Variants in TMEM217 observed in about 807,000 individuals in gnomAD.
TMEM217 encodes the protein chromosome 6 open reading frame 128.
For synonymous variants in TMEM217, 76 were observed against 88.3 expected, an observed-to-expected ratio of 0.86 and a Z score of 0.78; for missense variants, 204 against 248.8, an observed-to-expected ratio of 0.82 and a Z score of 1.21.
intron 1 of TMEM217, among the ~76,000 whole-genome samples, chr6:37,233,155 C>T (rs1170067292): frequency 2.0e-5 from 3 of 152,200 alleles, no homozygotes; most frequent in East Asian, 3.9e-4. Flanking sequence ...ACTCCCACCC[C>T]CACCTACTGT....
chr6:37,251,418 T>C (rs1765393272), intron 1 of TMEM217, among the ~76,000 whole-genome samples: 1 of 139,980 alleles, frequency 7.1e-6, no homozygotes, highest in Non-Finnish European at 1.6e-5. Flanking sequence ...GTATAAAGAA[T>C]GTTGAATGAG....
chr6:37,240,177 C>T (rs547321056), intron 1 of TMEM217, among the ~76,000 whole-genome samples: 2 of 152,336 alleles, frequency 1.3e-5, no homozygotes, highest in Admixed American at 1.3e-4. Flanking sequence ...AAACCTTAGA[C>T]ACTTATGATA....
intron 1 of TMEM217, among the ~76,000 whole-genome samples, chr6:37,225,648 T>G (rs964684792): frequency 6.6e-6 from 1 of 152,242 alleles, no homozygotes; most frequent in Non-Finnish European, 1.5e-5. Context: ...ATTAAAATTT[T>G]GGGTTCCCAT....
intron 1 of TMEM217, among the ~76,000 whole-genome samples, chr6:37,227,869 A>G (rs769675877): frequency 2.0e-5 from 3 of 152,122 alleles, no homozygotes; most frequent in African/African-American, 7.2e-5. Context: ...TTTACTTTGT[A>G]TATATCTTGA....
intron 1 of TMEM217, among the ~76,000 whole-genome samples, chr6:37,256,923 T>A (rs1030253742): frequency 2.8e-4 from 42 of 152,208 alleles, no homozygotes; most frequent in African/African-American, 9.6e-4. Flanking sequence ...ATGCTAATAC[T>A]AAATCTCATT....
intron 1 of TMEM217, among the ~76,000 whole-genome samples, chr6:37,255,498 C>T (rs1002364557): frequency 2.6e-5 from 4 of 152,032 alleles, no homozygotes; most frequent in African/African-American, 9.7e-5. Flanking sequence ...GCCTGGGCAA[C>T]ATGGTGAAAC....
chr6:37,246,895 T>C (rs555181506), intron 1 of TMEM217, among the ~76,000 whole-genome samples: 12 of 91,638 alleles, frequency 1.3e-4, no homozygotes, highest in African/African-American at 1.9e-4. Context: ...AGAGCAAGAC[T>C]CTGTCTCAAA....
chr6:37,223,568 G>A (rs575814119), intron 1 of TMEM217, among the ~76,000 whole-genome samples: 1 of 152,162 alleles, frequency 6.6e-6, no homozygotes, highest in South Asian at 2.1e-4. Context: ...GAGTACAGTG[G>A]CGTGATCTCA....
At chr6:37,242,233 C>T (rs1187164074) in intron 1 of TMEM217, among the ~76,000 whole-genome samples, 2 of 152,158 alleles carry the variant, frequency 1.3e-5, no homozygotes, top group East Asian at 3.8e-4. Context: ...ACTCAGCTAA[C>T]CCATCAAACA....
downstream of TMEM217, among the ~76,000 whole-genome samples, chr6:37,214,250 C>G (rs1409509625): frequency 6.6e-6 from 1 of 152,144 alleles, no homozygotes; most frequent in Non-Finnish European, 1.5e-5. Context: ...TCTCTTTCGA[C>G]AGAGTCTTGC....
At chr6:37,213,833 C>T (rs1763038824), downstream of TMEM217, among the ~76,000 whole-genome samples, 1 of 152,252 alleles carries the variant, frequency 6.6e-6, no homozygotes, top group African/African-American at 2.4e-5. Flanking sequence ...ATTCAGAGGA[C>T]TCCTGAGCAA....
chr6:37,212,518 G>A (rs1392805549), exon 4 of TMEM217: 2 of 457,506 alleles, frequency 4.4e-6, no homozygotes, highest in African/African-American at 4.0e-5. Flanking sequence ...CACAGTCTGG[G>A]ATTCCTTGTA....
chr6:37,257,184 T>G (rs1765798903), intron 1 of TMEM217, among the ~76,000 whole-genome samples: 1 of 152,210 alleles, frequency 6.6e-6, no homozygotes, highest in Non-Finnish European at 1.5e-5. Context: ...ACATAGGGAT[T>G]AGATCATTTG....
At position 37,219,332 on chromosome 6, in the gene TMEM217, G is replaced by A. The variant is rs1763392652; in HGVS notation, c.-11-291C>T. 2.0e-5 allele frequency among the ~76,000 whole-genome samples: 3 copies of A among 152,166 alleles called. No individual in the cohort carries two copies. The South Asian group carries it at 6.2e-4, about 31-fold the overall frequency. ...GTACCCAAGTCCAGGCCCCACCACAGACCAATCACAACATTCTCTGGTTGG... is the reference window on the plus strand; with the variant it reads ...GTACCCAAGTCCAGGCCCCACCACAAACCAATCACAACATTCTCTGGTTGG... On this transcript the variant is annotated intron_variant, in intron 1 of 1. Coordinates refer to ENST00000357219, the Ensembl canonical transcript of TMEM217.
exon 2 of TMEM217, chr6:37,218,430 G>T (rs1562001026): frequency 6.2e-7 from 1 of 1,600,514 alleles, no homozygotes; most frequent in East Asian, 2.2e-5. Context: ...ACCTACCTCT[G>T]CCTCTCAAAG....
intron 1 of TMEM217, among the ~76,000 whole-genome samples, chr6:37,250,499 T>C (rs1765341487): frequency 6.6e-6 from 1 of 152,266 alleles, no homozygotes; most frequent in Non-Finnish European, 1.5e-5. Flanking sequence ...TGAGGATAAG[T>C]TGGAAAAGCC....
At chr6:37,255,055 C>A (rs913580843) in intron 1 of TMEM217, among the ~76,000 whole-genome samples, 2 of 152,108 alleles carry the variant, frequency 1.3e-5, no homozygotes, top group Non-Finnish European at 2.9e-5. Context: ...ATTGCATGCC[C>A]ACCCGCCACT....
At chr6:37,218,011 C>T (rs1217069867) in exon 2 of TMEM217, 1 of 991,230 alleles carries the variant, frequency 1.0e-6, no homozygotes, top group African/African-American at 1.7e-5. Flanking sequence ...TTCATGTTCT[C>T]CTGAAAGAGT....
At chr6:37,223,522 T>G (rs1301440755) in intron 1 of TMEM217, among the ~76,000 whole-genome samples, 1 of 152,246 alleles carries the variant, frequency 6.6e-6, no homozygotes, top group African/African-American at 2.4e-5. Context: ...TATTTTTCTT[T>G]TTTTGAGACA....
Sources: gnomAD v4.1 joint callset for allele counts (sites outside exome capture counted in the v4.1 genomes callset) on GRCh38, gnomAD v4.1.1 for gene constraint, MANE v1.5 for transcripts, NCBI Gene and HGNC (gene_info 2026-07-23, HGNC 2026-07-21) for gene names.